Variants in BABAM2 observed in about 807,000 individuals in gnomAD.
The protein encoded by BABAM2 is BRISC and BRCA1 A complex member 2, also known as BRISC and BRCA1-A complex member 2.
BABAM2 carries 31 observed loss-of-function variants against 54.7 expected under a neutral mutation model. The ratio of observed to expected loss-of-function variants is 0.57; its 90% confidence interval spans 0.43 to 0.77. The LOEUF is 0.77. Ranked by LOEUF, BABAM2 falls within the 30% of genes least tolerant of loss-of-function variation. The pLI, the probability that BABAM2 is intolerant of heterozygous loss-of-function variation, is 0.00. For missense variants in BABAM2, 364 were observed against 455.8 expected (o/e 0.80, Z 1.83); for synonymous variants, 167 against 162.9 (o/e 1.03, Z -0.19).
At position 27,979,231 on chromosome 2, in the gene BABAM2, G is replaced by A. The variant is rs144570387; in HGVS notation, c.206-8762G>A. 1.5e-4 allele frequency among the ~76,000 whole-genome samples: 23 copies of A among 151,708 alleles called. No homozygotes were observed. In the South Asian group the frequency reaches 1.7e-3, roughly 11 times the overall value. On this transcript the variant is annotated intron_variant, in intron 3 of 11. Transcript: ENST00000379624. ...TTTTGTTTAGTAGAGACGTGGTTTC[G>A]CCATGTTAACCAGGCTGGTCTCGAA...
intron 7 of BABAM2, among the ~76,000 whole-genome samples, chr2:28,164,699 T>G (rs1038556306): frequency 6.6e-6 from 1 of 152,164 alleles, no homozygotes; most frequent in Non-Finnish European, 1.5e-5. Context: ...CCAGGAACCC[T>G]TTGTTCTTGG....
At chr2:28,189,143 G>T (rs559797832) in intron 7 of BABAM2, among the ~76,000 whole-genome samples, 4 of 151,800 alleles carry the variant, frequency 2.6e-5, no homozygotes, top group African/African-American at 9.7e-5. Flanking sequence ...GGAGGTTGCA[G>T]TGAGTCAAAA....
chr2:28,231,025 A>G (rs1172829216), intron 7 of BABAM2, among the ~76,000 whole-genome samples: 1 of 152,254 alleles, frequency 6.6e-6, no homozygotes, highest in African/African-American at 2.4e-5. Flanking sequence ...GAAAAAGGAC[A>G]TAGACTTTGG....
chr2:27,911,100 CTGTGAT>C (rs984298631), intron 2 of BABAM2, among the ~76,000 whole-genome samples: 1 of 152,130 alleles, frequency 6.6e-6, no homozygotes, highest in African/African-American at 2.4e-5. Flanking sequence ...TCCCCTTCTG[CTGTGAT>C]TGTAAGTTCC....
intron 9 of BABAM2, among the ~76,000 whole-genome samples, chr2:28,242,294 G>C (rs147920278): frequency 6.6e-6 from 1 of 152,186 alleles, no homozygotes; most frequent in East Asian, 1.9e-4. Flanking sequence ...AGCAAGCACC[G>C]ATAGGGGAGA....
chr2:28,164,950 T>G (rs1048563009), intron 7 of BABAM2, among the ~76,000 whole-genome samples: 1 of 152,204 alleles, frequency 6.6e-6, no homozygotes, highest in Non-Finnish European at 1.5e-5. Context: ...ACCATACCAC[T>G]GTACTAGGTA....
intron 5 of BABAM2, among the ~76,000 whole-genome samples, chr2:28,042,149 G>A (rs1360921564): frequency 6.6e-6 from 1 of 152,180 alleles, no homozygotes; most frequent in Non-Finnish European, 1.5e-5. Context: ...GTGACTGAAA[G>A]AATGGAATTG....
chr2:28,273,354 C>T (rs907593095), intron 10 of BABAM2, among the ~76,000 whole-genome samples: 1 of 152,184 alleles, frequency 6.6e-6, no homozygotes, highest in Non-Finnish European at 1.5e-5. Flanking sequence ...CTCTTCTCTC[C>T]TCTCCCTGTT....
At chr2:28,104,988 A>G (rs1667383944) in intron 6 of BABAM2, among the ~76,000 whole-genome samples, 1 of 146,948 alleles carries the variant, frequency 6.8e-6, no homozygotes, top group Non-Finnish European at 1.5e-5. Context: ...GAATTGAACA[A>G]TGAGAACACT....
intron 2 of BABAM2, among the ~76,000 whole-genome samples, chr2:27,908,342 G>A (rs1014230386): frequency 2.6e-5 from 4 of 152,004 alleles, no homozygotes; most frequent in Non-Finnish European, 5.9e-5. Context: ...TATGACCACA[G>A]CTCACTGCAG....
chr2:28,049,471 T>C (rs1677842673), intron 6 of BABAM2, among the ~76,000 whole-genome samples: 1 of 152,198 alleles, frequency 6.6e-6, no homozygotes. Context: ...ACCAATTGAC[T>C]ATGACTGAAG....
chr2:28,066,074 A>T (rs1234184613), intron 6 of BABAM2, among the ~76,000 whole-genome samples: 1 of 151,216 alleles, frequency 6.6e-6, no homozygotes, highest in Non-Finnish European at 1.5e-5. Flanking sequence ...TAGGAGAACC[A>T]CTTGAACCTG....
intron 6 of BABAM2, among the ~76,000 whole-genome samples, chr2:28,077,240 ATCT>A (rs1664768931): frequency 1.3e-5 from 2 of 152,254 alleles, no homozygotes; most frequent in Non-Finnish European, 2.9e-5. Flanking sequence ...ATATTTGAAT[ATCT>A]TCTTACAGCA....
At chr2:28,039,178 C>T (rs1222081496) in intron 5 of BABAM2, among the ~76,000 whole-genome samples, 1 of 152,112 alleles carries the variant, frequency 6.6e-6, no homozygotes, top group Non-Finnish European at 1.5e-5. Flanking sequence ...AATACATACT[C>T]GTGAATGGAT....
chr2:28,134,068 C>T (rs1357987285), intron 7 of BABAM2, among the ~76,000 whole-genome samples: 1 of 151,836 alleles, frequency 6.6e-6, no homozygotes, highest in Non-Finnish European at 1.5e-5. Context: ...TGTGTTCTTG[C>T]ACAAGGGACA....
chr2:28,330,686 C>T (rs1690874670), intron 11 of BABAM2, among the ~76,000 whole-genome samples: 2 of 152,140 alleles, frequency 1.3e-5, no homozygotes, highest in African/African-American at 4.8e-5. Flanking sequence ...TCAGAGAGGA[C>T]ACAAACAAAT....
intron 6 of BABAM2, among the ~76,000 whole-genome samples, chr2:28,106,575 A>G (rs1320116077): frequency 6.6e-6 from 1 of 152,234 alleles, no homozygotes; most frequent in Non-Finnish European, 1.5e-5. Context: ...AGATCCATTT[A>G]TGCATCTGTG....
intron 7 of BABAM2, among the ~76,000 whole-genome samples, chr2:28,168,300 A>G (rs980737344): frequency 4.6e-5 from 7 of 152,154 alleles, no homozygotes; most frequent in East Asian, 1.9e-4. Flanking sequence ...CCGTTGTCCA[A>G]ATTGAATAAT....
At chr2:28,132,808 AT>A (rs1376970662) in intron 7 of BABAM2, among the ~76,000 whole-genome samples, 3 of 152,190 alleles carry the variant, frequency 2.0e-5, no homozygotes, top group African/African-American at 7.2e-5. Context: ...TTAATTGGTG[AT>A]AAGGATTTTT....
Sources: gnomAD v4.1 joint callset for allele counts (sites outside exome capture counted in the v4.1 genomes callset) on GRCh38, gnomAD v4.1.1 for gene constraint, MANE v1.5 for transcripts, NCBI Gene and HGNC (gene_info 2026-07-23, HGNC 2026-07-21) for gene names.